Variants in GRM1 observed in about 807,000 individuals in gnomAD.
The protein encoded by GRM1 is glutamate metabotropic receptor 1.
A neutral mutation model predicts 90.9 loss-of-function variants in GRM1; 33 were observed. The ratio of observed to expected loss-of-function variants is 0.36; its 90% CI spans 0.28 to 0.49. GRM1 has a LOEUF of 0.49. GRM1 is among the 20% of genes least tolerant of loss of function. The probability of loss-of-function intolerance (pLI) is 0.99; values close to 1 mark genes in which losing one functional copy is unlikely to be tolerated. For missense variants in GRM1, 1,190 were observed against 1,534.3 expected, an observed-to-expected ratio of 0.78 and a Z score of 3.75; for synonymous variants, 700 against 613.2, an observed-to-expected ratio of 1.14 and a Z score of -2.09.
At position 146,399,212 on chromosome 6, in the gene GRM1, A is replaced by G; in HGVS notation, c.2173A>G (p.Ile725Val). 1 of 1,614,016 alleles carries G rather than the reference A, an allele frequency of 6.2e-7. No individual in the cohort carries two copies. The highest frequency in any genetic ancestry group is 2.2e-5 in the East Asian group (1 of 44,864). Residue 725 changes from isoleucine (I) to valine (V), a missense_variant, in exon 7 of 8, where the codon ATC (isoleucine) becomes GTC (valine). By Grantham distance (29) the Ile-to-Val change is conservative. Transcript: ENST00000282753. The surrounding 1 kb of genome is among the most constrained non-coding windows in gnomAD (Gnocchi z 5.4). ...SVQLTLVVTL[I>V]IMEPPMPILS... ...GCAACTAACCCTGGTGGTAACCCTG[A>G]TCATCATGGAACCCCCTATGCCCAT...
chr6:146,076,580 G>T (rs1776195240), intron 1 of GRM1, among the ~76,000 whole-genome samples: 1 of 152,154 alleles, frequency 6.6e-6, no homozygotes, highest in Admixed American at 6.5e-5. Flanking sequence ...ATTTTGACAT[G>T]AGTAACCGGA....
intron 3 of GRM1, among the ~76,000 whole-genome samples, chr6:146,334,207 G>A (rs1391324552): frequency 6.6e-6 from 1 of 152,186 alleles, no homozygotes; most frequent in Non-Finnish European, 1.5e-5. Flanking sequence ...ATCCACTGGA[G>A]ATGTGCAGTC....
At chr6:146,390,115 T>C (rs1776662599) in intron 6 of GRM1, among the ~76,000 whole-genome samples, 1 of 152,100 alleles carries the variant, frequency 6.6e-6, no homozygotes, top group South Asian at 2.1e-4. Flanking sequence ...GAAATCATTC[T>C]TCTTTGAAAA....
At chr6:146,368,778 A>T (rs1490244366) in intron 5 of GRM1, among the ~76,000 whole-genome samples, 1 of 151,870 alleles carries the variant, frequency 6.6e-6, no homozygotes, top group Non-Finnish European at 1.5e-5. Flanking sequence ...TTTTGCATTT[A>T]TGTTTATCAG....
intron 1 of GRM1, among the ~76,000 whole-genome samples, chr6:146,063,229 A>G (rs1413877609): frequency 6.6e-6 from 1 of 152,234 alleles, no homozygotes; most frequent in Non-Finnish European, 1.5e-5. Context: ...GTTTTAGTTT[A>G]TCTTCCTGGC....
At chr6:146,129,344 C>T (rs1268685993) in intron 1 of GRM1, among the ~76,000 whole-genome samples, 1 of 152,114 alleles carries the variant, frequency 6.6e-6, no homozygotes, top group African/African-American at 2.4e-5. Flanking sequence ...ATATGGCCTT[C>T]TTCTTGAAGT....
intron 3 of GRM1, among the ~76,000 whole-genome samples, chr6:146,343,697 T>C (rs1785068644): frequency 7.2e-6 from 1 of 139,786 alleles, no homozygotes; most frequent in Admixed American, 7.0e-5. Flanking sequence ...GATGGAGTCT[T>C]TCTCTGTTGC....
intron 1 of GRM1, among the ~76,000 whole-genome samples, chr6:146,151,527 C>T (rs1041197908): frequency 1.3e-5 from 2 of 152,090 alleles, no homozygotes; most frequent in African/African-American, 4.8e-5. Context: ...TTTTCAGTGC[C>T]TACTTTTTTG....
chr6:146,164,032 T>C (rs2128892513), intron 2 of GRM1, among the ~76,000 whole-genome samples: 1 of 152,254 alleles, frequency 6.6e-6, no homozygotes, highest in African/African-American at 2.4e-5. Flanking sequence ...TTCTAAGTTA[T>C]AATTATTAAA....
intron 1 of GRM1, among the ~76,000 whole-genome samples, chr6:146,035,060 C>T (rs1050298586): frequency 6.6e-6 from 1 of 151,612 alleles, no homozygotes; most frequent in Non-Finnish European, 1.5e-5. Context: ...TAGAGAAAAC[C>T]TGGAGAAAAG....
intron 2 of GRM1, among the ~76,000 whole-genome samples, chr6:146,264,084 A>AT (rs1781790496): frequency 6.6e-6 from 1 of 152,116 alleles, no homozygotes; most frequent in African/African-American, 2.4e-5. Context: ...AAGGAATTCA[A>AT]TTTTTGCTAA....
chr6:146,238,882 GTAAATAGAAGGTTAAGCC>G (rs1369427059), intron 2 of GRM1, among the ~76,000 whole-genome samples: 4 of 152,042 alleles, frequency 2.6e-5, no homozygotes, highest in Admixed American at 2.6e-4. Context: ...AAAACTCCTT[GTAAATAGAAGGTTAAGCC>G]TAAAAAATAT....
chr6:146,211,520 C>T (rs542066970), intron 2 of GRM1, among the ~76,000 whole-genome samples: 17 of 152,046 alleles, frequency 1.1e-4, no homozygotes, highest in African/African-American at 2.9e-4. Flanking sequence ...TTTGATTATC[C>T]GGTGACTTTT....
upstream of GRM1, chr6:146,027,954 G>A (rs1344542909): frequency 6.6e-6 from 1 of 152,342 alleles, no homozygotes; most frequent in Non-Finnish European, 1.5e-5. Context: ...GTATCCTCAG[G>A]AAGAGTCGGG....
chr6:146,028,232 A>AGTGTGTGTGT (rs60190108), upstream of GRM1, among the ~76,000 whole-genome samples: 80 of 130,362 alleles, frequency 6.1e-4, no homozygotes, highest in Non-Finnish European at 7.9e-4. Flanking sequence ...AGTGGAAGGG[A>AGTGTGTGTGT]GTGTGTGTGT....
intron 1 of GRM1, among the ~76,000 whole-genome samples, chr6:146,127,682 A>G (rs771861070): frequency 1.2e-4 from 18 of 152,366 alleles, no homozygotes; most frequent in Admixed American, 4.6e-4. Flanking sequence ...TCTGGGTCTT[A>G]GATCTCCTGC....
intron 1 of GRM1, among the ~76,000 whole-genome samples, chr6:146,077,973 A>G (rs1776242874): frequency 6.6e-6 from 1 of 152,230 alleles, no homozygotes; most frequent in South Asian, 2.1e-4. Flanking sequence ...AAGGAAATGT[A>G]GACAGCCCGA....
intron 1 of GRM1, among the ~76,000 whole-genome samples, chr6:146,055,417 A>G (rs1775450584): frequency 1.3e-5 from 2 of 152,016 alleles, no homozygotes; most frequent in Non-Finnish European, 2.9e-5. Flanking sequence ...TCTTATTTTC[A>G]TTTTCCATTA....
chr6:146,304,728 A>G lies in GRM1; in HGVS notation c.1068A>G (p.Lys356=), dbSNP rs201659942. 1.9e-6 allele frequency: 3 copies of G among 1,613,888 alleles called. No homozygotes were observed. In the African/African-American group the frequency reaches 4.0e-5, roughly 22 times the overall value. ...GGTCATTTGATGATTATTTCCTGAA[A>G]CTGAGGCTGGACACTAACACGAGGA... ...EVRSFDDYFL[K]LRLDTNTRNP... Residue 356 remains lysine (K), a synonymous_variant, in exon 3 of 8, where the codon AAA becomes AAG. Transcript: ENST00000282753.
Sources: gnomAD v4.1 joint callset for allele counts (sites outside exome capture counted in the v4.1 genomes callset) on GRCh38, gnomAD v4.1.1 for gene constraint, Gnocchi (gnomAD v3.1) non-coding constraint, MANE v1.5 for transcripts, NCBI Gene and HGNC (gene_info 2026-07-23, HGNC 2026-07-21) for gene names.